The following CSGALNACT1 variants were observed in gnomAD, a reference collection of about 807,000 sequenced individuals.
The protein encoded by CSGALNACT1 is beta4GalNAcT-1.
A neutral mutation model predicts 51.0 loss-of-function variants in CSGALNACT1; 52 were observed. The ratio of observed to expected loss-of-function variants is 1.02; its 90% confidence interval spans 0.82 to 1.29. The LOEUF (loss-of-function observed/expected upper bound fraction) is 1.29. Among genes scored for constraint, CSGALNACT1 ranks in the 50% most tolerant of loss-of-function variants. The probability of loss-of-function intolerance (pLI) is 0.00; values close to 1 mark genes in which losing one functional copy is unlikely to be tolerated. For missense variants in CSGALNACT1, 935 were observed against 679.2 expected, an observed-to-expected ratio of 1.38 and a Z score of -4.19; for synonymous variants, 341 against 254.4, an observed-to-expected ratio of 1.34 and a Z score of -3.24.
chr8:19,432,480 G>T (rs541763629), intron 6 of CSGALNACT1, among the ~76,000 whole-genome samples: 1 of 152,110 alleles, frequency 6.6e-6, no homozygotes, highest in Non-Finnish European at 1.5e-5. Context: ...CATCAAATTT[G>T]AGAAATTTTT....
chr8:19,405,776 G>T (rs762502764), exon 10 of CSGALNACT1: 7 of 1,613,990 alleles, frequency 4.3e-6, no homozygotes, highest in Non-Finnish European at 5.9e-6. Flanking sequence ...CCTTCTCTGG[G>T]AGTTCATGTT....
At chr8:19,503,750 C>G (rs2076817914) in intron 4 of CSGALNACT1, among the ~76,000 whole-genome samples, 1 of 150,868 alleles carries the variant, frequency 6.6e-6, no homozygotes, top group Non-Finnish European at 1.5e-5. Context: ...CCTGAACATT[C>G]TAGACATTTT....
At position 19,519,121 on chromosome 8, in the gene CSGALNACT1, T is replaced by C. The variant is rs142492203; in HGVS notation, c.-296-12991A>G. On this transcript the variant is annotated intron_variant, in intron 3 of 9. Transcript: ENST00000454498. ...CAAACATTATGGAAAGCCCAATTCATTAAAAGATACAGGTAAAAGTGTTCA... is the reference window on the plus strand; with the variant it reads ...CAAACATTATGGAAAGCCCAATTCACTAAAAGATACAGGTAAAAGTGTTCA... 3.4e-3 allele frequency among the ~76,000 whole-genome samples: 519 copies of C among 152,272 alleles called. 2 individuals carry two copies. The highest frequency in any genetic ancestry group is 0.012 in the African/African-American group (497 of 41,566).
chr8:19,604,613 T>TCA (rs555245462), upstream of CSGALNACT1, among the ~76,000 whole-genome samples: 1,046 of 152,086 alleles, frequency 6.9e-3, 8 homozygotes, highest in Middle Eastern at 0.017. Flanking sequence ...TTCTTTGAAA[T>TCA]TAAGTATGGG....
At chr8:19,496,862 A>C (rs1246167238) in intron 4 of CSGALNACT1, among the ~76,000 whole-genome samples, 1 of 152,022 alleles carries the variant, frequency 6.6e-6, no homozygotes. Flanking sequence ...TTCTCCAGGA[A>C]CCCCAATGGG....
chr8:19,431,624 C>T (rs771646189), intron 6 of CSGALNACT1, among the ~76,000 whole-genome samples: 1 of 151,802 alleles, frequency 6.6e-6, no homozygotes, highest in Non-Finnish European at 1.5e-5. Flanking sequence ...CTATAGTTTT[C>T]TTTCCTTGTT....
chr8:19,676,840 A>T (rs890252521), intron 1 of CSGALNACT1, among the ~76,000 whole-genome samples: 5 of 152,352 alleles, frequency 3.3e-5, no homozygotes, highest in African/African-American at 1.2e-4. Flanking sequence ...TACTGGAACC[A>T]AAGGAAGAAA....
intron 1 of CSGALNACT1, among the ~76,000 whole-genome samples, chr8:19,713,093 C>T (rs2062605017): frequency 2.0e-5 from 3 of 152,190 alleles, no homozygotes; most frequent in African/African-American, 7.2e-5. Flanking sequence ...TCTCCATCCC[C>T]ATTTCCTCTG....
At chr8:19,456,503 C>A (rs1563493248) in intron 5 of CSGALNACT1, among the ~76,000 whole-genome samples, 1 of 152,246 alleles carries the variant, frequency 6.6e-6, no homozygotes, top group Non-Finnish European at 1.5e-5. Context: ...GGTTCAACAA[C>A]TGCATTCAGA....
chr8:19,493,780 A>G (rs2074897583), intron 4 of CSGALNACT1, among the ~76,000 whole-genome samples: 1 of 152,048 alleles, frequency 6.6e-6, no homozygotes. Flanking sequence ...TTTGGCTATT[A>G]TGAACAAAGC....
chr8:19,436,084 A>C (rs1211944348), intron 6 of CSGALNACT1, among the ~76,000 whole-genome samples: 1 of 152,212 alleles, frequency 6.6e-6, no homozygotes, highest in Non-Finnish European at 1.5e-5. Context: ...AATCAACTGA[A>C]ATGTAAAGCT....
intron 3 of CSGALNACT1, among the ~76,000 whole-genome samples, chr8:19,526,430 A>G (rs527335674): frequency 1.3e-5 from 2 of 152,262 alleles, no homozygotes; most frequent in Non-Finnish European, 2.9e-5. Flanking sequence ...TAAAAATACA[A>G]AAATTAGCTG....
At chr8:19,532,797 T>G (rs559658450) in intron 3 of CSGALNACT1, among the ~76,000 whole-genome samples, 1 of 151,746 alleles carries the variant, frequency 6.6e-6, no homozygotes, top group African/African-American at 2.4e-5. Context: ...AGGAGTCACC[T>G]AAAATGCTAG....
chr8:19,753,577 G>A (rs1241109016), intron 1 of CSGALNACT1, among the ~76,000 whole-genome samples: 1 of 152,148 alleles, frequency 6.6e-6, no homozygotes, highest in East Asian at 1.9e-4. Context: ...TTGAGATATT[G>A]CCTAGCGTGG....
intron 1 of CSGALNACT1, among the ~76,000 whole-genome samples, chr8:19,651,932 T>TG (rs199706441): frequency 0.044 from 6,627 of 150,900 alleles, 226 homozygotes; most frequent in Non-Finnish European, 0.063. Flanking sequence ...TTTGTTTTGT[T>TG]TTGTTTTGAC....
intron 5 of CSGALNACT1, among the ~76,000 whole-genome samples, chr8:19,447,499 G>T (rs937995818): frequency 2.0e-5 from 3 of 152,198 alleles, no homozygotes; most frequent in African/African-American, 7.2e-5. Context: ...TCATCCTAAA[G>T]AAGTCTTTTT....
chr8:19,505,788 A>G (rs750093317), exon 4 of CSGALNACT1: 3 of 1,613,790 alleles, frequency 1.9e-6, no homozygotes, highest in Non-Finnish European at 1.7e-6. Flanking sequence ...CAGCAAAACC[A>G]CCACCCGGGA....
intron 3 of CSGALNACT1, among the ~76,000 whole-genome samples, chr8:19,548,710 T>C (rs6984681): frequency 0.031 from 4,682 of 152,322 alleles, 251 homozygotes; most frequent in African/African-American, 0.11. Context: ...TAGCAGCCTT[T>C]TGCCCTCTCC....
At position 19,721,079 on chromosome 8, in the gene CSGALNACT1, G is replaced by A. The variant is rs556430549; in HGVS notation, c.-297+36771C>T. Among the ~76,000 whole-genome samples, 5 of 152,308 alleles carry A rather than the reference G, an allele frequency of 3.3e-5. No homozygotes were observed. In the South Asian group the frequency reaches 6.2e-4, roughly 19 times the overall value. On this transcript the variant is annotated intron_variant, in intron 1 of 1. Coordinates refer to the CSGALNACT1 transcript ENST00000517494. ...AATCAGTGACCAAACAGTATAGCCA[G>A]CCCTCTCCTTTTCTGCTGGAATTCA...
Sources: allele counts gnomAD v4.1 joint callset (sites outside exome capture counted in the v4.1 genomes callset), GRCh38; gene constraint gnomAD v4.1.1; transcripts MANE v1.5; gene names NCBI Gene and HGNC (gene_info 2026-07-23, HGNC 2026-07-21).